Variants in RMND1 observed in about 807,000 individuals in gnomAD.
The protein encoded by RMND1 is required for meiotic nuclear division protein 1 homolog.
Under a neutral mutation model 54.0 loss-of-function variants are expected in RMND1, and 41 were observed. The ratio of observed to expected loss-of-function variants is 0.76; its 90% CI spans 0.59 to 0.98. The LOEUF (loss-of-function observed/expected upper bound fraction) is 0.98, where lower values mean the gene tolerates loss of function less well. RMND1 is among the 50% of genes least tolerant of loss of function. RMND1 has a pLI of 0.00. For synonymous variants in RMND1, 183 were observed against 181.7 expected, an observed-to-expected ratio of 1.01 and a Z score of -0.06; for missense variants, 457 against 532.0, an observed-to-expected ratio of 0.86 and a Z score of 1.39.
chr6:151,451,607 T>C (rs1013904068), intron 1 of RMND1, among the ~76,000 whole-genome samples: 1 of 152,148 alleles, frequency 6.6e-6, no homozygotes, highest in Non-Finnish European at 1.5e-5. Context: ...CAGCACATAG[T>C]AGGCATTCGA....
At chr6:151,421,111 T>C (rs1780138929) in intron 9 of RMND1, 134 bp downstream of exon 9, 3 of 663,614 alleles carry the variant, frequency 4.5e-6, no homozygotes. Flanking sequence ...TCTCCCTGCT[T>C]ATAATCAATG....
chr6:151,426,267 C>A (rs990195499), intron 6 of RMND1, among the ~76,000 whole-genome samples: 1 of 152,092 alleles, frequency 6.6e-6, no homozygotes, highest in Non-Finnish European at 1.5e-5. Flanking sequence ...TTCTTAAGAA[C>A]CTGCAAAGAC....
At chr6:151,437,830 T>C (rs534276766) in intron 2 of RMND1, among the ~76,000 whole-genome samples, 55 of 152,312 alleles carry the variant, frequency 3.6e-4, no homozygotes, top group African/African-American at 1.3e-3. Context: ...CTCTGATGCG[T>C]GGTTTAAAGG....
At chr6:151,451,594 GC>G (rs1194309697) in intron 1 of RMND1, among the ~76,000 whole-genome samples, 1 of 152,068 alleles carries the variant, frequency 6.6e-6, no homozygotes, top group Non-Finnish European at 1.5e-5. Context: ...TGACAATAGC[GC>G]CCAGCACATA....
chr6:151,445,351 C>G lies in RMND1; in HGVS notation c.461G>C (p.Arg154Thr), dbSNP rs773334427. ...TGGAAGGTTGGTCCTGGATGGCTGTCTGGTCCTGGATGCTTTTAGTGGTCT... is the reference window on the plus strand; with the variant it reads ...TGGAAGGTTGGTCCTGGATGGCTGTGTGGTCCTGGATGCTTTTAGTGGTCT... ...VKRPLKASRT[R>T]QPSRTNLPVL... The change falls in exon 2 of 12, where the codon AGA (arginine) becomes ACA (threonine). Residue 154 changes from arginine to threonine, a missense_variant. Physicochemically the swap from Arg to Thr is moderately conservative, Grantham distance 71. Coordinates refer to ENST00000444024, the MANE Select transcript of RMND1 (RefSeq NM_017909.4). 5.0e-6 allele frequency: 8 copies of G among 1,613,462 alleles called. No individual in the cohort carries two copies. The Admixed American group carries it at 1.3e-4, about 27-fold the overall frequency.
intron 1 of RMND1, 29 bp from the exon 2 acceptor site, chr6:151,445,854 T>C: frequency 6.7e-7 from 1 of 1,496,606 alleles, no homozygotes; most frequent in Non-Finnish European, 8.9e-7. Flanking sequence ...AAAGTTCAAG[T>C]TTTTAAATTA....
rs540445541 is a variant in RMND1, at chr6:151,436,946, A to G, written c.505-392T>C. ...TTCCATGACTCTTTTTCAAAGCAAC[A>G]TTAGTATTTGAGGTCATTTCCTAAT... On this transcript the variant is annotated intron_variant, in intron 2 of 11. Transcript: ENST00000444024. 84 of 158,846 alleles carry G rather than the reference A, an allele frequency of 5.3e-4. No homozygotes were observed. In the South Asian group the frequency reaches 0.015, roughly 28 times the overall value. 9.8% of individuals were successfully genotyped at this position (158,846 alleles called of 1,614,324 possible).
At chr6:151,433,939 A>ACC (rs143471784) in intron 3 of RMND1, among the ~76,000 whole-genome samples, 53 of 86,206 alleles carry the variant, frequency 6.1e-4, no homozygotes, top group African/African-American at 2.5e-3. Flanking sequence ...AACTCAAGGG[A>ACC]CCCCCCCCCG....
intron 7 of RMND1, 145 bp from the exon 8 acceptor site, chr6:151,422,750 G>C (rs1780190825): frequency 6.5e-6 from 3 of 464,970 alleles, no homozygotes; most frequent in East Asian, 3.5e-5. Context: ...TTTAAGAATA[G>C]TTAATTATCA....
At position 151,405,315 on chromosome 6, in the gene RMND1, A is replaced by G. The variant is rs373451945; in HGVS notation, c.1318-48T>C. On this transcript the variant is annotated intron_variant, in intron 11 of 11. Transcript: ENST00000444024. The stretch of plus-strand genomic sequence containing the variant: ...ATTTCATGACGGGCAAATTATGGGT[A>G]CAAACTAAAATGACTTCCAAGATTG... 3.4e-5 allele frequency: 51 copies of G among 1,511,382 alleles called. No homozygotes were observed. The African/African-American group carries it at 6.3e-4, about 19-fold the overall frequency. 93.6% of individuals were successfully genotyped at this position (1,511,382 alleles called of 1,614,324 possible).
At chr6:151,413,760 C>T (rs9479035) in intron 10 of RMND1, 50,230 of 152,098 alleles carry the variant, frequency 0.33, 9,672 homozygotes, top group African/African-American at 0.54. Flanking sequence ...AATTACACCT[C>T]TGTTATCTAA....
intron 6 of RMND1, among the ~76,000 whole-genome samples, chr6:151,424,995 T>G (rs1175647277): frequency 6.6e-6 from 1 of 151,844 alleles, no homozygotes; most frequent in African/African-American, 2.4e-5. Flanking sequence ...CAGACTGGAG[T>G]GTAGTGGCGT....
At chr6:151,412,829 C>T (rs910157976) in intron 10 of RMND1, among the ~76,000 whole-genome samples, 4 of 152,242 alleles carry the variant, frequency 2.6e-5, no homozygotes, top group East Asian at 3.9e-4. Context: ...AACAACCTCA[C>T]GAGAACTCAC....
intron 1 of RMND1, among the ~76,000 whole-genome samples, chr6:151,449,419 C>T (rs1011850878): frequency 6.6e-6 from 1 of 151,382 alleles, no homozygotes; most frequent in Non-Finnish European, 1.5e-5. Flanking sequence ...CATGGCACTA[C>T]ATTATCTGTC....
chr6:151,415,054 A>T (rs1779961152), intron 10 of RMND1, among the ~76,000 whole-genome samples: 1 of 152,038 alleles, frequency 6.6e-6, no homozygotes, highest in Non-Finnish European at 1.5e-5. Context: ...TTCTTGAAAA[A>T]AAAAAACAGT....
At chr6:151,415,619 T>C (rs1377521905) in intron 10 of RMND1, among the ~76,000 whole-genome samples, 2 of 151,504 alleles carry the variant, frequency 1.3e-5, no homozygotes, top group African/African-American at 4.9e-5. Context: ...TGAAACCCCA[T>C]CTCTACTAAA....
intron 5 of RMND1, among the ~76,000 whole-genome samples, chr6:151,429,212 C>T (rs1223688378): frequency 6.6e-6 from 1 of 151,750 alleles, no homozygotes; most frequent in East Asian, 1.9e-4. Context: ...ACCTCTGCCT[C>T]CAAGGTTTAA....
chr6:151,417,253 T>C, intron 10 of RMND1, 26 bp downstream of exon 10: 1 of 1,582,334 alleles, frequency 6.3e-7, no homozygotes, highest in Non-Finnish European at 8.6e-7. Flanking sequence ...TGTCTTTTTC[T>C]CTCATTAGAA....
chr6:151,440,988 G>C (rs1381452721), intron 2 of RMND1, among the ~76,000 whole-genome samples: 1 of 151,582 alleles, frequency 6.6e-6, no homozygotes, highest in Non-Finnish European at 1.5e-5. Context: ...CTGTTAAATA[G>C]ATGTGTCAAA....
Sources: gnomAD v4.1 joint callset for allele counts (sites outside exome capture counted in the v4.1 genomes callset) on GRCh38, gnomAD v4.1.1 for gene constraint, MANE v1.5 for transcripts, NCBI Gene and HGNC (gene_info 2026-07-23, HGNC 2026-07-21) for gene names.